Variants in BTBD8 observed in about 807,000 individuals in gnomAD.
BTBD8 encodes BTB domain containing 8, also known as BTB/POZ domain-containing protein 8.
Under a neutral mutation model 162.9 loss-of-function variants are expected in BTBD8, and 110 were observed. The ratio of observed to expected loss-of-function variants is 0.68; its 90% CI spans 0.58 to 0.79. The LOEUF is 0.79. Ranked by LOEUF, BTBD8 falls within the 30% of genes least tolerant of loss-of-function variation. The pLI, the probability that BTBD8 is intolerant of heterozygous loss-of-function variation, is 0.00. For synonymous variants in BTBD8, 667 were observed against 716.1 expected, an observed-to-expected ratio of 0.93 and a Z score of 1.10; for missense variants, 1,905 against 2,085.4, an observed-to-expected ratio of 0.91 and a Z score of 1.68.
At chr1:92,145,459 A>G (rs544150784) in intron 7 of BTBD8, among the ~76,000 whole-genome samples, 8 of 152,324 alleles carry the variant, frequency 5.3e-5, no homozygotes, top group South Asian at 2.1e-4. Flanking sequence ...TAGAGACTAG[A>G]TATACAAATT....
intron 2 of BTBD8, among the ~76,000 whole-genome samples, chr1:92,102,119 T>C (rs1195205527): frequency 2.0e-5 from 3 of 152,196 alleles, no homozygotes; most frequent in African/African-American, 7.2e-5. Context: ...CCTCCTGGGT[T>C]CAAGTGATTC....
At chr1:92,175,562 A>G (rs1174984308) in intron 13 of BTBD8, among the ~76,000 whole-genome samples, 1 of 148,634 alleles carries the variant, frequency 6.7e-6, no homozygotes, top group African/African-American at 2.5e-5. Context: ...TGGGAGGCCG[A>G]GGCGGGTGGA....
chr1:92,107,584 G>A (rs190302664), intron 3 of BTBD8, among the ~76,000 whole-genome samples: 1 of 152,244 alleles, frequency 6.6e-6, no homozygotes, highest in Non-Finnish European at 1.5e-5. Context: ...TACACTCTGT[G>A]ATGTTCACAC....
In BTBD8 at chr1:92,088,585, A is replaced by G. The variant is rs956830107; in HGVS notation, c.150-113A>G. ...ACAAACTCATTTTTGTATTAACTTT[A>G]TGTTGCCTCTGTATTTTTTAGCTTA... On this transcript the variant is annotated intron_variant, in intron 1 of 17. Transcript: ENST00000636805. 1.5e-5 allele frequency: 12 copies of G among 799,622 alleles called. No individual in the cohort carries two copies. In the South Asian group the frequency reaches 2.3e-4, roughly 16 times the overall value. 49.5% of individuals were successfully genotyped at this position (799,622 alleles called of 1,614,324 possible).
intron 16 of BTBD8, 31 bp from the exon 17 acceptor site, chr1:92,180,234 A>G (rs769117720): frequency 2.7e-5 from 39 of 1,442,634 alleles, no homozygotes; most frequent in Admixed American, 2.8e-5. Flanking sequence ...GTGATATTAC[A>G]TTACTGAATA....
At chr1:92,140,980 A>G (rs1649762899) in intron 6 of BTBD8, 135 bp from the exon 7 acceptor site, 1 of 1,019,844 alleles carries the variant, frequency 9.8e-7, no homozygotes, top group Non-Finnish European at 1.3e-6. Flanking sequence ...TATGTTATGT[A>G]AGGCAGAAAA....
chr1:92,125,983 A>T (rs1649343277), intron 4 of BTBD8: 1 of 460,712 alleles, frequency 2.2e-6, no homozygotes, highest in Admixed American at 2.5e-5. Flanking sequence ...GCAAAGGCAA[A>T]TGTGAAATGG....
At chr1:92,142,462 C>T (rs1649800715) in intron 7 of BTBD8, among the ~76,000 whole-genome samples, 1 of 152,116 alleles carries the variant, frequency 6.6e-6, no homozygotes, top group Non-Finnish European at 1.5e-5. Context: ...CTTAGGAGAG[C>T]TTGGAGTATG....
intron 2 of BTBD8, among the ~76,000 whole-genome samples, chr1:92,089,692 A>C (rs1238935116): frequency 6.6e-6 from 1 of 152,190 alleles, no homozygotes; most frequent in Non-Finnish European, 1.5e-5. Context: ...TTATAAGAGC[A>C]CTAATCTCAT....
At chr1:92,086,097 A>T (rs760629504) in intron 1 of BTBD8, among the ~76,000 whole-genome samples, 17 of 152,172 alleles carry the variant, frequency 1.1e-4, no homozygotes, top group Non-Finnish European at 2.5e-4. Context: ...GCTATTTGAG[A>T]TAGTGGGAAA....
intron 4 of BTBD8, among the ~76,000 whole-genome samples, chr1:92,126,800 T>C (rs538914642): frequency 6.6e-6 from 1 of 152,314 alleles, no homozygotes; most frequent in Non-Finnish European, 1.5e-5. Context: ...TGTAACAGTG[T>C]AAGATTTTTT....
At chr1:92,159,717 A>G (rs1193134193) in intron 9 of BTBD8, among the ~76,000 whole-genome samples, 2 of 152,254 alleles carry the variant, frequency 1.3e-5, no homozygotes, top group East Asian at 3.9e-4. Context: ...CACTTTGAAT[A>G]TATCATTGCA....
intron 2 of BTBD8, among the ~76,000 whole-genome samples, chr1:92,099,166 T>A (rs1157499196): frequency 6.6e-6 from 1 of 152,212 alleles, no homozygotes; most frequent in Non-Finnish European, 1.5e-5. Flanking sequence ...TTCCCCATTG[T>A]GTTATTGTCT....
chr1:92,113,122 A>G (rs1254087576), intron 4 of BTBD8, among the ~76,000 whole-genome samples: 1 of 152,230 alleles, frequency 6.6e-6, no homozygotes, highest in Admixed American at 6.5e-5. Context: ...AGTTTTTGGC[A>G]TGTTGGAAAA....
chr1:92,119,079 G>A (rs1016725350), intron 4 of BTBD8, among the ~76,000 whole-genome samples: 4 of 151,508 alleles, frequency 2.6e-5, no homozygotes, highest in African/African-American at 9.7e-5. Context: ...TGAAGGCTCA[G>A]TTCATTACTG....
chr1:92,177,368 C>T lies in BTBD8; in HGVS notation c.2175C>T (p.Pro725=). 1.9e-6 allele frequency: 3 copies of T among 1,551,790 alleles called. No individual in the cohort carries two copies. The highest frequency in any genetic ancestry group is 2.4e-5 in the South Asian group (2 of 84,064). ...KDSPCLSIAG[P]SSRSTDSSME... is the part of the protein sequence containing the mutation. ...CACCATGCCTCAGCATCGCAGGACC[C>T]TCCAGCAGATCCACAGATTCAAGTA... Residue 725 remains proline, a synonymous_variant, in exon 14 of 18, where the codon CCC becomes CCT. Coordinates refer to ENST00000636805, the MANE Select transcript of BTBD8 (RefSeq NM_001376131.1).
At position 92,180,406 on chromosome 1, in the gene BTBD8, C is replaced by G; in HGVS notation, c.2723C>G (p.Ala908Gly). The G allele has an allele frequency of 6.4e-7, 1 of 1,551,592 alleles. No individual in the cohort carries two copies. The highest frequency in any genetic ancestry group is 1.7e-4 in the Middle Eastern group (1 of 5,992). ...KRKMVKQVHT[A>G]LPKVNAKIVA... ...AAAATGGTCAAGCAAGTACACACAG[C>G]TTTGCCTAAGGTTAATGCAAAAATA... Residue 908 changes from alanine (A) to glycine (G), a missense_variant, in exon 17 of 18, where the codon GCT (alanine) becomes GGT (glycine). Transcript: ENST00000636805.
chr1:92,080,834 G>A (rs1647989906), intron 1 of BTBD8, 114 bp downstream of exon 1: 1 of 1,475,942 alleles, frequency 6.8e-7, no homozygotes, highest in East Asian at 2.5e-5. Flanking sequence ...GGTTCTCCTC[G>A]CCTCAGGCGA....
chr1:92,096,032 C>T (rs1271037041), intron 2 of BTBD8, among the ~76,000 whole-genome samples: 2 of 151,578 alleles, frequency 1.3e-5, no homozygotes, highest in Non-Finnish European at 2.9e-5. Context: ...ATGGCAGTGG[C>T]GTGATCTTGG....
Sources: gnomAD v4.1 joint callset for allele counts (sites outside exome capture counted in the v4.1 genomes callset) on GRCh38, gnomAD v4.1.1 for gene constraint, MANE v1.5 for transcripts, NCBI Gene and HGNC (gene_info 2026-07-23, HGNC 2026-07-21) for gene names.